The following MGST3 variants were observed in gnomAD, a reference collection of about 807,000 sequenced individuals.
The protein encoded by MGST3 is microsomal glutathione S-transferase 3.
A neutral mutation model predicts 15.8 loss-of-function variants in MGST3; 13 were observed. That is an observed-to-expected ratio of 0.82 (90% CI 0.54 to 1.31). MGST3 has a LOEUF of 1.31. Ranked by LOEUF, MGST3 falls within the 50% of genes most tolerant of loss-of-function variation. MGST3 has a pLI of 0.00. For missense variants in MGST3, 155 were observed against 192.4 expected, an observed-to-expected ratio of 0.81 and a Z score of 1.15; for synonymous variants, 49 against 68.1, an observed-to-expected ratio of 0.72 and a Z score of 1.38.
intron 1 of MGST3, chr1:165,647,613 C>T (rs946459482): frequency 6.6e-6 from 1 of 152,202 alleles, no homozygotes; most frequent in Non-Finnish European, 1.5e-5. Flanking sequence ...GGGAGCCCAG[C>T]ATCCTGTCCA....
chr1:165,634,240 A>T (rs552094209), intron 1 of MGST3, among the ~76,000 whole-genome samples: 2 of 152,258 alleles, frequency 1.3e-5, no homozygotes, highest in Non-Finnish European at 2.9e-5. Context: ...TGAGAGCACA[A>T]ACTGGAGCCA....
intron 1 of MGST3, among the ~76,000 whole-genome samples, chr1:165,633,940 T>C (rs886776224): frequency 1.3e-5 from 2 of 152,182 alleles, no homozygotes; most frequent in African/African-American, 4.8e-5. Flanking sequence ...GTTTTTTCCT[T>C]CTCGTAATCT....
intron 1 of MGST3, among the ~76,000 whole-genome samples, chr1:165,634,727 C>T (rs1170360508): frequency 2.0e-5 from 3 of 151,510 alleles, no homozygotes; most frequent in Non-Finnish European, 4.4e-5. Context: ...CTCGTGCTCT[C>T]TCTCAATCAT....
intron 5 of MGST3, 142 bp downstream of exon 5, chr1:165,654,493 C>T: frequency 1.3e-6 from 1 of 758,494 alleles, no homozygotes; most frequent in Non-Finnish European, 2.4e-6. Context: ...GAGTTGGATA[C>T]CAGCCTGGGC....
Position 165,649,975 on chromosome 1 carries a change from A to T in MGST3, c.117+11A>T. 1.2e-6 allele frequency: 2 copies of T among 1,613,860 alleles called. No individual in the cohort carries two copies. The highest frequency in any genetic ancestry group is 2.2e-5 in the South Asian group (2 of 91,078). On this transcript the variant is annotated intron_variant, in intron 2 of 5. Transcript: ENST00000367889. ...AAGTACAAAGTGGAGGTAAGTGGGA[A>T]CACAAGCTGGTGCCCTTGTAGGCTT...
chr1:165,652,999 C>T (rs892014315), intron 4 of MGST3, among the ~76,000 whole-genome samples: 2 of 152,240 alleles, frequency 1.3e-5, no homozygotes, highest in Non-Finnish European at 2.9e-5. Flanking sequence ...GCCCTTCAGA[C>T]TTCTGGTTCT....
chr1:165,656,133 T>TAAAG, exon 6 of MGST3: 1 of 152,866 alleles, frequency 6.5e-6, no homozygotes, highest in Non-Finnish European at 1.5e-5. Flanking sequence ...AAGTTTCTAT[T>TAAAG]AAAGATTGTT....
chr1:165,653,112 T>G (rs571899681), intron 4 of MGST3, among the ~76,000 whole-genome samples: 20 of 152,354 alleles, frequency 1.3e-4, no homozygotes, highest in African/African-American at 4.8e-4. Flanking sequence ...GGCCTGCATT[T>G]TTTTCAAAGA....
intron 1 of MGST3, among the ~76,000 whole-genome samples, chr1:165,642,241 T>C (rs574539616): frequency 5.9e-5 from 9 of 152,314 alleles, no homozygotes; most frequent in African/African-American, 2.2e-4. Context: ...GCCCAGTGAG[T>C]GGCACATAGT....
intron 3 of MGST3, chr1:165,651,349 A>G (rs1028372117): frequency 3.2e-5 from 17 of 523,622 alleles, no homozygotes; most frequent in African/African-American, 3.1e-4. Flanking sequence ...GTTTTGCAGC[A>G]TGACCCATCT....
intron 4 of MGST3, among the ~76,000 whole-genome samples, chr1:165,653,407 G>C (rs1648617388): frequency 6.6e-6 from 1 of 152,304 alleles, no homozygotes; most frequent in East Asian, 1.9e-4. Context: ...GCCTGGCAGA[G>C]ACTAGAGCTG....
Position 165,651,038 on chromosome 1 carries a change from C to G in MGST3, c.142C>G (p.Pro48Ala). 2 of 1,614,130 alleles carry G rather than the reference C, an allele frequency of 1.2e-6. No homozygotes were observed. Among genetic ancestry groups the G allele is most frequent in the Non-Finnish European group, 1.7e-6 (2 of 1,180,026 alleles). Residue 48 changes from proline to alanine, a missense_variant, in exon 3 of 6, where the codon CCT (proline) becomes GCT (alanine). By Grantham distance (27) the Pro-to-Ala change is conservative. Transcript: ENST00000367889. ...GTATCCTATCATGTACAGCACGGAC[C>G]CTGAAAATGGGCACATCTTCAACTG... ...VEYPIMYSTD[P>A]ENGHIFNCIQ... is the part of the protein sequence containing the mutation.
intron 1 of MGST3, among the ~76,000 whole-genome samples, chr1:165,637,489 C>G (rs1648143739): frequency 6.6e-6 from 1 of 152,154 alleles, no homozygotes; most frequent in Non-Finnish European, 1.5e-5. Context: ...TGGGGAATTT[C>G]TGATGGGCAG....
rs911746901 is a variant in MGST3, at chr1:165,642,645, A to G, written c.-7-7196A>G. On this transcript the variant is annotated intron_variant, in intron 1 of 5. Transcript: ENST00000367889. ...ACTGAGTCCTTCCTATGTGTCAGGCATCATGATGAATGTTTATAGACAGTA... is the reference window on the plus strand; with the variant it reads ...ACTGAGTCCTTCCTATGTGTCAGGCGTCATGATGAATGTTTATAGACAGTA... Among the ~76,000 whole-genome samples the G allele has an allele frequency of 2.6e-5, 4 of 152,244 alleles. No homozygotes were observed. The East Asian group carries it at 7.7e-4, about 29-fold the overall frequency.
rs575220075 is a variant in MGST3, at chr1:165,639,645, A to G, written c.-8+8352A>G. 4.8e-3 allele frequency among the ~76,000 whole-genome samples: 725 copies of G among 152,200 alleles called. 5 individuals carry two copies. Among genetic ancestry groups the G allele is most frequent in the African/African-American group, 0.017 (696 of 41,518 alleles). ...TGGCGAAACCCCATCTCTACTAAAA[A>G]TACAAAAATTAGCTGGGTGTAGTGA... is the stretch of plus-strand genomic sequence containing the variant. On this transcript the variant is annotated intron_variant, in intron 1 of 5. Coordinates refer to ENST00000367889, the MANE Select transcript of MGST3 (RefSeq NM_004528.4).
intron 5 of MGST3, 115 bp from the exon 6 acceptor site, chr1:165,655,253 A>C: frequency 7.4e-7 from 1 of 1,357,396 alleles, no homozygotes; most frequent in Non-Finnish European, 1.0e-6. Flanking sequence ...TAACCTCCTA[A>C]GGCCAGTTTG....
chr1:165,651,212 TTAAAAGTATTC>T, intron 3 of MGST3, 125 bp downstream of exon 3: 1 of 814,400 alleles, frequency 1.2e-6, no homozygotes, highest in African/African-American at 1.7e-5. Context: ...GGGCACCTCA[TTAAAAGTATTC>T]AAAAATTATG....
At chr1:165,649,151 C>A (rs1648486773) in intron 1 of MGST3, 1 of 152,944 alleles carries the variant, frequency 6.5e-6, no homozygotes, top group Non-Finnish European at 1.5e-5. Context: ...CCATGCTCTG[C>A]TTTCAGAGTA....
At chr1:165,649,348 TTC>T (rs144759247) in intron 1 of MGST3, 201 of 162,016 alleles carry the variant, frequency 1.2e-3, no homozygotes, top group South Asian at 4.0e-3. Flanking sequence ...CTTTCTTGCT[TTC>T]TCTCTCTCTC....
Sources: gnomAD v4.1 joint callset for allele counts (sites outside exome capture counted in the v4.1 genomes callset) on GRCh38, gnomAD v4.1.1 for gene constraint, MANE v1.5 for transcripts, NCBI Gene and HGNC (gene_info 2026-07-23, HGNC 2026-07-21) for gene names.